The following SLX4IP variants were observed in gnomAD, a reference collection of about 807,000 sequenced individuals.
The protein encoded by SLX4IP is protein SLX4IP.
SLX4IP carries 34 observed loss-of-function variants against 32.9 expected under a neutral mutation model. The observed-to-expected ratio is 1.03, with a 90% CI of 0.79 to 1.38. The LOEUF is 1.38. Ranked by LOEUF, SLX4IP falls within the 40% of genes most tolerant of loss-of-function variation. The pLI is 0.00. For missense variants in SLX4IP, 444 were observed against 479.0 expected, an observed-to-expected ratio of 0.93 and a Z score of 0.68; for synonymous variants, 172 against 171.7, an observed-to-expected ratio of 1.00 and a Z score of -0.01.
chr20:10,488,851 C>G (rs1600922998), intron 2 of SLX4IP, among the ~76,000 whole-genome samples: 1 of 152,082 alleles, frequency 6.6e-6, no homozygotes, highest in East Asian at 1.9e-4. Flanking sequence ...TTGGGCAAGG[C>G]TGTCCATTTC....
At chr20:10,533,856 G>C (rs916505450) in intron 2 of SLX4IP, among the ~76,000 whole-genome samples, 4 of 152,048 alleles carry the variant, frequency 2.6e-5, no homozygotes, top group Non-Finnish European at 4.4e-5. Flanking sequence ...CTGGCTTCAA[G>C]TGGTCCTCCT....
chr20:10,505,979 C>G (rs1473686948), intron 2 of SLX4IP, among the ~76,000 whole-genome samples: 2 of 152,130 alleles, frequency 1.3e-5, no homozygotes, highest in Non-Finnish European at 2.9e-5. Flanking sequence ...AACTTCAGGA[C>G]CACACACAGA....
intron 6 of SLX4IP, among the ~76,000 whole-genome samples, chr20:10,604,042 A>G (rs934600140): frequency 6.6e-6 from 1 of 152,138 alleles, no homozygotes; most frequent in Admixed American, 6.5e-5. Flanking sequence ...CCATACTTCA[A>G]ATGCCCACAG....
chr20:10,505,341 CT>C (rs2065750257), intron 2 of SLX4IP, among the ~76,000 whole-genome samples: 1 of 152,188 alleles, frequency 6.6e-6, no homozygotes, highest in Non-Finnish European at 1.5e-5. Context: ...TATATCTTGT[CT>C]GGACAGGGTG....
rs568299826 is a variant in SLX4IP, at chr20:10,593,382, G to T, written c.239-5293G>T. ...AAAGGAGAAGTCAAAATTAATAAAT[G>T]GCTGGCATTTTAAAAGAGCATACAG... On this transcript the variant is annotated intron_variant, in intron 4 of 7. Coordinates refer to ENST00000334534, the MANE Select transcript of SLX4IP (RefSeq NM_001009608.3). Among the ~76,000 whole-genome samples, 9 of 152,058 alleles carry T rather than the reference G, an allele frequency of 5.9e-5. No homozygotes were observed. In the East Asian group the frequency reaches 1.7e-3, roughly 29 times the overall value.
chr20:10,566,766 T>C (rs2066399772), intron 4 of SLX4IP, among the ~76,000 whole-genome samples: 1 of 152,174 alleles, frequency 6.6e-6, no homozygotes, highest in Non-Finnish European at 1.5e-5. Flanking sequence ...AAGCCTACTG[T>C]CTTATTTTGT....
intron 2 of SLX4IP, among the ~76,000 whole-genome samples, chr20:10,547,652 T>C (rs1600988151): frequency 6.6e-6 from 1 of 152,218 alleles, no homozygotes; most frequent in East Asian, 1.9e-4. Flanking sequence ...CAGTATTCTG[T>C]GCATACCTGG....
chr20:10,620,917 G>A (rs1440155894), intron 6 of SLX4IP, among the ~76,000 whole-genome samples: 3 of 152,150 alleles, frequency 2.0e-5, no homozygotes, highest in African/African-American at 7.2e-5. Flanking sequence ...TGATAAGGGT[G>A]TAGACCACTG....
chr20:10,499,984 T>C (rs1388401320), intron 2 of SLX4IP, among the ~76,000 whole-genome samples: 2 of 152,124 alleles, frequency 1.3e-5, no homozygotes, highest in Non-Finnish European at 2.9e-5. Context: ...GTACAATTAT[T>C]AGATGACTTA....
chr20:10,518,549 C>T (rs73078725), intron 2 of SLX4IP, among the ~76,000 whole-genome samples: 13,746 of 50,716 alleles, frequency 0.27, 1,419 homozygotes, highest in South Asian at 0.43. Context: ...TTCCTTCCTT[C>T]CTTTCCTTCT....
At chr20:10,472,234 CTTTTT>C (rs5840380) in intron 2 of SLX4IP, among the ~76,000 whole-genome samples, 2 of 142,410 alleles carry the variant, frequency 1.4e-5, no homozygotes, top group African/African-American at 2.6e-5. Context: ...TAATACTATA[CTTTTT>C]TTTTTTTTTG....
At chr20:10,585,532 T>TCCTTTCC (rs891586548) in intron 4 of SLX4IP, among the ~76,000 whole-genome samples, 1 of 152,062 alleles carries the variant, frequency 6.6e-6, no homozygotes, top group African/African-American at 2.4e-5. Flanking sequence ...CTTTTCCTTT[T>TCCTTTCC]CCTTTCCCCT....
intron 2 of SLX4IP, among the ~76,000 whole-genome samples, chr20:10,462,556 C>T (rs1025066203): frequency 6.6e-5 from 10 of 152,178 alleles, no homozygotes; most frequent in African/African-American, 2.4e-4. Context: ...ATTCCCTTTA[C>T]AGCCCAACTT....
chr20:10,547,296 T>C (rs541241185), intron 2 of SLX4IP, among the ~76,000 whole-genome samples: 163 of 152,344 alleles, frequency 1.1e-3, no homozygotes, highest in Non-Finnish European at 1.5e-4. Context: ...TGTTTTTATC[T>C]TTGTAGAATC....
At chr20:10,562,495 G>A (rs1408748597) in intron 4 of SLX4IP, among the ~76,000 whole-genome samples, 1 of 152,040 alleles carries the variant, frequency 6.6e-6, no homozygotes, top group Admixed American at 6.6e-5. Context: ...TTGTCCAGCC[G>A]CCTGTGTGTG....
chr20:10,540,471 G>A (rs939802522), intron 2 of SLX4IP, among the ~76,000 whole-genome samples: 12 of 152,130 alleles, frequency 7.9e-5, no homozygotes, highest in Non-Finnish European at 1.3e-4. Flanking sequence ...ATCCGAGGAG[G>A]ATACCTGGGA....
At chr20:10,592,644 T>C in intron 4 of SLX4IP, among the ~76,000 whole-genome samples, 1 of 134,520 alleles carries the variant, frequency 7.4e-6, no homozygotes, top group East Asian at 2.2e-4. Flanking sequence ...TTTTTTTTTT[T>C]TTTTTTTTGA....
At chr20:10,599,423 CT>C (rs1245031830) in intron 5 of SLX4IP, among the ~76,000 whole-genome samples, 1 of 152,066 alleles carries the variant, frequency 6.6e-6, no homozygotes, top group Admixed American at 6.6e-5. Flanking sequence ...ATGTTATTCT[CT>C]TTTTTGCTGT....
At chr20:10,457,404 G>T in intron 1 of SLX4IP, among the ~76,000 whole-genome samples, 1 of 143,382 alleles carries the variant, frequency 7.0e-6, no homozygotes, top group Non-Finnish European at 1.5e-5. Context: ...TTCCTATTGT[G>T]TTGGCTTTTT....
Sources: gnomAD v4.1 joint callset for allele counts (sites outside exome capture counted in the v4.1 genomes callset) on GRCh38, gnomAD v4.1.1 for gene constraint, MANE v1.5 for transcripts, NCBI Gene and HGNC (gene_info 2026-07-23, HGNC 2026-07-21) for gene names.